The following KCNJ14 variants were observed in gnomAD, a reference collection of about 807,000 sequenced individuals.
KCNJ14 encodes potassium inwardly rectifying channel subfamily J member 14.
A neutral mutation model predicts 24.5 loss-of-function variants in KCNJ14; 18 were observed. The observed-to-expected ratio is 0.74, with a 90% CI of 0.51 to 1.09. KCNJ14 has a LOEUF of 1.09. Ranked by LOEUF, KCNJ14 falls within the 50% of genes least tolerant of loss-of-function variation. The pLI, the probability that KCNJ14 is intolerant of heterozygous loss-of-function variation, is 0.00. For synonymous variants in KCNJ14, 288 were observed against 270.8 expected (o/e 1.06, Z -0.63); for missense variants, 633 against 623.0 (o/e 1.02, Z -0.17).
In KCNJ14 at chr19:48,464,857, T is replaced by TG. The variant is rs1971641150; in HGVS notation, c.*85dup. 9.6e-7 allele frequency: 1 copy of TG among 1,042,228 alleles called. No individual in the cohort carries two copies. Among genetic ancestry groups the TG allele is most frequent in the African/African-American group, 1.6e-5 (1 of 63,300 alleles). The allele number at this position is 1,042,228 out of a possible 1,614,324, so 64.6% of individuals were successfully genotyped here. On this transcript the variant is annotated 3_prime_UTR_variant, in exon 3 of 3. Transcript: ENST00000342291. Reference sequence around the variant, plus strand: ...GGAGGGATGGGGCTCTCTCCTGGGATGGGGGCAGGTGTTCCTGAATACCGA... The same window carrying TG: ...GGAGGGATGGGGCTCTCTCCTGGGATGGGGGGCAGGTGTTCCTGAATACCGA...
At chr19:48,459,663 T>C (rs192894122) in intron 1 of KCNJ14, among the ~76,000 whole-genome samples, 2 of 152,134 alleles carry the variant, frequency 1.3e-5, no homozygotes. Context: ...CCCAAAGCGC[T>C]AGGATACAGG....
Position 48,464,477 on chromosome 19 carries a change from G to A in KCNJ14, c.1011G>A (p.Gln337=), listed in dbSNP as rs745997313. ...WGHRFEPVLF[Q]RGSQYEVDYR... is the part of the protein sequence containing the mutation. ...ATCGTTTTGAGCCAGTTCTCTTCCA[G>A]CGTGGCTCCCAGTATGAGGTCGACT... The change falls in exon 3 of 3, where the codon CAG becomes CAA. Residue 337 remains glutamine (Q), a synonymous_variant. Transcript: ENST00000342291. 1.2e-6 allele frequency: 2 copies of A among 1,614,106 alleles called. No homozygotes were observed. The highest frequency in any genetic ancestry group is 1.7e-6 in the Non-Finnish European group (2 of 1,180,016).
In KCNJ14 at chr19:48,461,666, C is replaced by A; in HGVS notation, c.-55-4C>A. The A allele has an allele frequency of 9.0e-7, 1 of 1,115,606 alleles. No individual in the cohort carries two copies. The highest frequency in any genetic ancestry group is 1.2e-6 in the Non-Finnish European group (1 of 840,132). 69.1% of individuals were successfully genotyped at this position (1,115,606 alleles called of 1,614,324 possible). ...CTGACGTTTCTGCCGGTTTCTTGTC[C>A]CAGCAGGTTGGGGGCGCCTGCCCCC... On this transcript the variant is annotated splice_polypyrimidine_tract_variant and splice_region_variant and intron_variant, in intron 1 of 2. Transcript: ENST00000342291.
At chr19:48,459,988 C>A (rs116488509) in intron 1 of KCNJ14, among the ~76,000 whole-genome samples, 6,841 of 151,274 alleles carry the variant, frequency 0.045, 331 homozygotes, top group Middle Eastern at 0.15. Context: ...CTACTGCACT[C>A]CAGTCTAGGT....
At chr19:48,460,248 ATTTAT>A in intron 1 of KCNJ14, among the ~76,000 whole-genome samples, 1 of 138,602 alleles carries the variant, frequency 7.2e-6, no homozygotes, top group Non-Finnish European at 1.5e-5. Context: ...AGTTTTATTT[ATTTAT>A]TTTTTTTGAG....
Position 48,464,212 on chromosome 19 carries a change from C to T in KCNJ14, c.746C>T (p.Pro249Leu), listed in dbSNP as rs1466110902. The T allele has an allele frequency of 5.6e-6, 9 of 1,613,900 alleles. No individual in the cohort carries two copies. Among genetic ancestry groups the T allele is most frequent in the East Asian group, 2.2e-5 (1 of 44,894 alleles). ...PRVTPEGEYI[P>L]LDHQDVDVGF... Reference sequence around the variant, plus strand: ...GTGACCCCAGAGGGTGAGTACATCCCGCTGGACCACCAGGATGTGGATGTG... The same window carrying T: ...GTGACCCCAGAGGGTGAGTACATCCTGCTGGACCACCAGGATGTGGATGTG... Residue 249 changes from proline to leucine, a missense_variant, in exon 3 of 3, where the codon CCG (proline) becomes CTG (leucine). Pro to Leu is a moderately conservative substitution (Grantham distance 98). Coordinates refer to ENST00000342291, the MANE Select transcript of KCNJ14 (RefSeq NM_013348.4).
In KCNJ14 at chr19:48,462,318, G is replaced by A; in HGVS notation, c.594G>A (p.Leu198=). 2 of 1,548,204 alleles carry A rather than the reference G, an allele frequency of 1.3e-6. No homozygotes were observed. The highest frequency in any genetic ancestry group is 1.7e-6 in the Non-Finnish European group (2 of 1,144,168). ...MAKPKKRNET[L]VFSENAVVAL... Reference sequence around the variant, plus strand: ...AACCCAAGAAGCGCAACGAGACGCTGGTCTTCAGCGAGAACGCCGTCGTGG... The same window carrying A: ...AACCCAAGAAGCGCAACGAGACGCTAGTCTTCAGCGAGAACGCCGTCGTGG... Residue 198 remains leucine, a synonymous_variant, in exon 2 of 3, where the codon CTG becomes CTA. Coordinates refer to ENST00000342291, the MANE Select transcript of KCNJ14 (RefSeq NM_013348.4). This position sits in a 1 kb window ranked among gnomAD's most constrained non-coding sequence, Gnocchi z 4.9.
rs200884415 is a variant in KCNJ14 at position 48,459,704 on chromosome 19, TTTC to T, written c.-55-1963_-55-1961del. ...ACCACCTCGCCTGGCCTCTCTTCAC[TTTC>T]TTGATAGTGTCTTTCGGAGCACAAA... On this transcript the variant is annotated intron_variant, in intron 1 of 2. Transcript: ENST00000342291. Among the ~76,000 whole-genome samples the T allele has an allele frequency of 5.4e-3, 816 of 152,190 alleles. 6 individuals carry two copies. The highest frequency in any genetic ancestry group is 5.4e-3 in the Non-Finnish European group (365 of 68,014).
Position 48,464,863 on chromosome 19 carries a change from C to G in KCNJ14, c.*86C>G. 9.8e-7 allele frequency: 1 copy of G among 1,015,738 alleles called. No homozygotes were observed. The highest frequency in any genetic ancestry group is 2.4e-5 in the East Asian group (1 of 41,988). 62.9% of individuals were successfully genotyped at this position (1,015,738 alleles called of 1,614,324 possible). On this transcript the variant is annotated 3_prime_UTR_variant, in exon 3 of 3. Transcript: ENST00000342291. ...ATGGGGCTCTCTCCTGGGATGGGGG[C>G]AGGTGTTCCTGAATACCGACAGGCC... is the stretch of plus-strand genomic sequence containing the variant.
Position 48,462,456 on chromosome 19 carries a change from G to A in KCNJ14, c.714+18G>A. The A allele has an allele frequency of 3.4e-6, 5 of 1,451,134 alleles. No individual in the cohort carries two copies. The highest frequency in any genetic ancestry group is 4.6e-6 in the Non-Finnish European group (5 of 1,097,314). The allele number at this position is 1,451,134 out of a possible 1,614,324, so 89.9% of individuals were successfully genotyped here. ...TGCTGCAGGTGCGCCCGGGAGGAGA[G>A]GCGGGGACTTCCGTGAGCCCTGGGG... is the stretch of plus-strand genomic sequence containing the variant. On this transcript the variant is annotated intron_variant, in intron 2 of 2. Coordinates refer to ENST00000342291, the MANE Select transcript of KCNJ14 (RefSeq NM_013348.4). The surrounding 1 kb of genome is among the most constrained non-coding windows in gnomAD (Gnocchi z 4.9).
Position 48,462,533 on chromosome 19 carries a change from G to A in KCNJ14, c.714+95G>A, listed in dbSNP as rs1569083963. 1 of 951,782 alleles carries A rather than the reference G, an allele frequency of 1.1e-6. No individual in the cohort carries two copies. The highest frequency in any genetic ancestry group is 2.8e-5 in the East Asian group (1 of 36,142). 59.0% of individuals were successfully genotyped at this position (951,782 alleles called of 1,614,324 possible). ...CGAGGGGCGTGCGGTCCTGGAGGGGGCGTGGACTACAACTCCCAGCAGCCT... is the reference window on the plus strand; with the variant it reads ...CGAGGGGCGTGCGGTCCTGGAGGGGACGTGGACTACAACTCCCAGCAGCCT... On this transcript the variant is annotated intron_variant, in intron 2 of 2. Coordinates refer to ENST00000342291, the MANE Select transcript of KCNJ14 (RefSeq NM_013348.4). This position sits in a 1 kb window ranked among gnomAD's most constrained non-coding sequence, Gnocchi z 4.9.
At chr19:48,461,528 CAA>C (rs34391014) in intron 1 of KCNJ14, 140 bp from the exon 2 acceptor site, 16,763 of 160,130 alleles carry the variant, frequency 0.1, 1 homozygote, top group East Asian at 0.12. Flanking sequence ...ACTCTGTCTC[CAA>C]AAAAAAAAAA....
chr19:48,464,384 G>A lies in KCNJ14; in HGVS notation c.918G>A (p.Met306Ile). Reference protein sequence around the residue: ...DFELVVILEGMVEATAMTTQC... With the variant: ...DFELVVILEGIVEATAMTTQC... ...AGCTGGTGGTCATTCTCGAGGGGATGGTTGAGGCCACAGCCATGACCACAC... is the reference window on the plus strand; with the variant it reads ...AGCTGGTGGTCATTCTCGAGGGGATAGTTGAGGCCACAGCCATGACCACAC... The change falls in exon 3 of 3, where the codon ATG becomes ATA. Residue 306 changes from methionine to isoleucine, a missense_variant. Met to Ile is a conservative substitution (Grantham distance 10). Coordinates refer to ENST00000342291, the MANE Select transcript of KCNJ14 (RefSeq NM_013348.4). 1 of 1,613,336 alleles carries A rather than the reference G, an allele frequency of 6.2e-7. No individual in the cohort carries two copies. Among genetic ancestry groups the A allele is most frequent in the Middle Eastern group, 1.6e-4 (1 of 6,062 alleles).
chr19:48,464,858 G>C lies in KCNJ14; in HGVS notation c.*81G>C. ...GAGGGATGGGGCTCTCTCCTGGGAT[G>C]GGGGCAGGTGTTCCTGAATACCGAC... On this transcript the variant is annotated 3_prime_UTR_variant, in exon 3 of 3. Transcript: ENST00000342291. The C allele has an allele frequency of 9.6e-7, 1 of 1,043,656 alleles. No individual in the cohort carries two copies. Among genetic ancestry groups the C allele is most frequent in the Non-Finnish European group, 1.4e-6 (1 of 700,140 alleles). 64.6% of individuals were successfully genotyped at this position (1,043,656 alleles called of 1,614,324 possible). A position where few individuals can be genotyped will look rare whatever the true frequency, so the allele number is the denominator to read the frequency against.
In KCNJ14 at chr19:48,462,481, G is replaced by T. The variant is rs1001416266; in HGVS notation, c.714+43G>T. The T allele has an allele frequency of 7.2e-7, 1 of 1,394,808 alleles. No individual in the cohort carries two copies. The highest frequency in any genetic ancestry group is 1.5e-5 in the African/African-American group (1 of 68,526). The allele number at this position is 1,394,808 out of a possible 1,614,324, so 86.4% of individuals were successfully genotyped here. A position where few individuals can be genotyped will look rare whatever the true frequency, so the allele number is the denominator to read the frequency against. The stretch of plus-strand genomic sequence containing the variant: ...GGCGGGGACTTCCGTGAGCCCTGGG[G>T]GATTGTGGGAGATGTAGGCCCGAGG... On this transcript the variant is annotated intron_variant, in intron 2 of 2. Transcript: ENST00000342291. The surrounding 1 kb of genome is among the most constrained non-coding windows in gnomAD (Gnocchi z 4.9).
rs1901295262 is a variant in KCNJ14 at position 48,465,247 on chromosome 19, T to A, written c.*470T>A. On this transcript the variant is annotated 3_prime_UTR_variant, in exon 3 of 3. Transcript: ENST00000342291. ...CTCAGCCAACTGAGTAGCAAATCAT[T>A]TGTTCTAGACCACCTAAGGAGGGAA... 6.1e-6 allele frequency: 1 copy of A among 163,086 alleles called. No homozygotes were observed. Among genetic ancestry groups the A allele is most frequent in the African/African-American group, 2.4e-5 (1 of 41,616 alleles). The allele number at this position is 163,086 out of a possible 1,614,324, so 10.1% of individuals were successfully genotyped here.
Position 48,461,707 on chromosome 19 carries a change from A to AG in KCNJ14, c.-13dup, listed in dbSNP as rs990375490. 5 of 1,381,790 alleles carry AG rather than the reference A, an allele frequency of 3.6e-6. No individual in the cohort carries two copies. The highest frequency in any genetic ancestry group is 3.5e-5 in the Admixed American group (1 of 28,636). The allele number at this position is 1,381,790 out of a possible 1,614,324, so 85.6% of individuals were successfully genotyped here. On this transcript the variant is annotated 5_prime_UTR_variant, in exon 2 of 3. Coordinates refer to ENST00000342291, the MANE Select transcript of KCNJ14 (RefSeq NM_013348.4). ...GCCTGCCCCCCACTAGGCCAAGTGG[A>AG]GGGGGTCCCTCCGTCCAATGGGCCT...
Position 48,465,093 on chromosome 19 carries a change from G to A in KCNJ14, c.*316G>A. The A allele has an allele frequency of 3.1e-6, 1 of 327,646 alleles. No individual in the cohort carries two copies. The highest frequency in any genetic ancestry group is 2.1e-5 in the African/African-American group (1 of 48,684). The allele number at this position is 327,646 out of a possible 1,614,324, so 20.3% of individuals were successfully genotyped here. A position where few individuals can be genotyped will look rare whatever the true frequency, so the allele number is the denominator to read the frequency against. On this transcript the variant is annotated 3_prime_UTR_variant, in exon 3 of 3. Transcript: ENST00000342291. Reference sequence around the variant, plus strand: ...TCTATATGGGGAGACCTGGATTGTTGACCAGGGTGAGAAGCCAATGGTATA... The same window carrying A: ...TCTATATGGGGAGACCTGGATTGTTAACCAGGGTGAGAAGCCAATGGTATA...
intron 1 of KCNJ14, chr19:48,461,341 A>G (rs140332235): frequency 0.05 from 6,928 of 137,432 alleles, 289 homozygotes; most frequent in African/African-American, 0.13. Flanking sequence ...TCTCAAAAAA[A>G]AAAAGAAAAG....
Sources: gnomAD v4.1 joint callset for allele counts (sites outside exome capture counted in the v4.1 genomes callset) on GRCh38, gnomAD v4.1.1 for gene constraint, Gnocchi (gnomAD v3.1) non-coding constraint, MANE v1.5 for transcripts, NCBI Gene and HGNC (gene_info 2026-07-23, HGNC 2026-07-21) for gene names.